Variants in NPEPPS observed in about 807,000 individuals in gnomAD.
The protein encoded by NPEPPS is aminopeptidase puromycin sensitive.
In NPEPPS, 14 loss-of-function variants were observed where a neutral mutation model predicts 115.5. The observed-to-expected ratio is 0.12, with a 90% CI of 0.08 to 0.19. The LOEUF (loss-of-function observed/expected upper bound fraction) is 0.19. Ranked by LOEUF, NPEPPS falls within the 10% of genes least tolerant of loss-of-function variation. The pLI is 1.00. For missense variants in NPEPPS, 523 were observed against 1,110.8 expected, an observed-to-expected ratio of 0.47 and a Z score of 7.52; for synonymous variants, 285 against 390.6, an observed-to-expected ratio of 0.73 and a Z score of 3.19.
At chr17:47,619,351 C>T (rs771380763) in intron 21 of NPEPPS, 187 bp downstream of exon 21, 15 of 619,960 alleles carry the variant, frequency 2.4e-5, no homozygotes, top group African/African-American at 7.3e-5. Flanking sequence ...GTCGGGAGTT[C>T]GAGACTATCC....
intron 12 of NPEPPS, among the ~76,000 whole-genome samples, chr17:47,593,721 A>G (rs1302860475): frequency 7.9e-5 from 12 of 152,256 alleles, no homozygotes; most frequent in Admixed American, 7.9e-4. Flanking sequence ...CCTAGCCTAC[A>G]TGGTATATAC....
chr17:47,555,023 G>A (rs1263111176), intron 2 of NPEPPS, among the ~76,000 whole-genome samples: 1 of 152,170 alleles, frequency 6.6e-6, no homozygotes, highest in Non-Finnish European at 1.5e-5. Flanking sequence ...GTTGACTCTA[G>A]GCAGTTGAAA....
chr17:47,564,523 A>G (rs1422372418), intron 2 of NPEPPS, among the ~76,000 whole-genome samples: 2 of 152,056 alleles, frequency 1.3e-5, no homozygotes, highest in East Asian at 1.9e-4. Flanking sequence ...GTATTGATAC[A>G]TGATATATAG....
intron 17 of NPEPPS, among the ~76,000 whole-genome samples, chr17:47,607,701 T>A (rs1913597333): frequency 6.6e-6 from 1 of 152,172 alleles, no homozygotes; most frequent in Non-Finnish European, 1.5e-5. Flanking sequence ...GTAAAGTCTG[T>A]GTATATTTTG....
chr17:47,584,371 T>G (rs1912063513), intron 5 of NPEPPS, among the ~76,000 whole-genome samples: 1 of 152,216 alleles, frequency 6.6e-6, no homozygotes, highest in Admixed American at 6.5e-5. Flanking sequence ...TCTTCACCAG[T>G]GTTATTGATC....
chr17:47,583,586 G>GAA (rs1228056697), intron 5 of NPEPPS, among the ~76,000 whole-genome samples: 1 of 131,224 alleles, frequency 7.6e-6, no homozygotes, highest in African/African-American at 2.8e-5. Flanking sequence ...CCCTATCTCA[G>GAA]AAAAAAAAAA....
At chr17:47,579,716 A>C in intron 4 of NPEPPS, 1 of 439,684 alleles carries the variant, frequency 2.3e-6, no homozygotes, top group Non-Finnish European at 4.1e-6. Flanking sequence ...ATGATTATAT[A>C]CAGTTATACA....
At position 47,585,557 on chromosome 17, in the gene NPEPPS, G is replaced by A; in HGVS notation, c.706G>A (p.Ala236Thr). The change falls in exon 6 of 23, where the codon GCC becomes ACC. Residue 236 changes from alanine (A) to threonine (T), a missense_variant. By Grantham distance (58) the Ala-to-Thr change is moderately conservative. Coordinates refer to ENST00000322157, the MANE Select transcript of NPEPPS (RefSeq NM_006310.4). ...DDENLVEVKFARTPVMSTYLV... is the reference protein window; with the variant it reads ...DDENLVEVKFTRTPVMSTYLV... Reference sequence around the variant, plus strand: ...TGAAAATTTAGTGGAAGTGAAGTTTGCCCGCACACCTGTTATGTCTACATA... The same window carrying A: ...TGAAAATTTAGTGGAAGTGAAGTTTACCCGCACACCTGTTATGTCTACATA... The A allele has an allele frequency of 6.2e-7, 1 of 1,613,804 alleles. No homozygotes were observed. Among genetic ancestry groups the A allele is most frequent in the Non-Finnish European group, 8.5e-7 (1 of 1,179,744 alleles).
intron 1 of NPEPPS, among the ~76,000 whole-genome samples, chr17:47,545,207 A>G (rs1352857294): frequency 1.3e-5 from 2 of 152,036 alleles, no homozygotes; most frequent in African/African-American, 2.4e-5. Flanking sequence ...GTGTTGCCCA[A>G]GCTGGTCTTG....
At chr17:47,608,491 CAT>C (rs1913651979) in intron 17 of NPEPPS, among the ~76,000 whole-genome samples, 1 of 148,650 alleles carries the variant, frequency 6.7e-6, no homozygotes, top group South Asian at 2.1e-4. Flanking sequence ...GGGTGGGAAT[CAT>C]ATCACGCATG....
At chr17:47,536,386 C>CTTT (rs1204179908) in intron 1 of NPEPPS, among the ~76,000 whole-genome samples, 7 of 126,608 alleles carry the variant, frequency 5.5e-5, no homozygotes, top group Admixed American at 8.7e-5. Flanking sequence ...CATATTTTCT[C>CTTT]TCTTTTTTTT....
At chr17:47,576,231 G>T (rs1911513699) in intron 3 of NPEPPS, among the ~76,000 whole-genome samples, 1 of 152,168 alleles carries the variant, frequency 6.6e-6, no homozygotes, top group African/African-American at 2.4e-5. Context: ...GGTCCTAAGG[G>T]TGGCATTTAT....
intron 5 of NPEPPS, among the ~76,000 whole-genome samples, chr17:47,585,009 A>G (rs1209558908): frequency 1.3e-5 from 2 of 151,896 alleles, no homozygotes; most frequent in African/African-American, 4.8e-5. Context: ...TTGTATTTTT[A>G]GTAGAGATGG....
At chr17:47,621,216 AATT>A (rs1178052044) in intron 22 of NPEPPS, among the ~76,000 whole-genome samples, 4 of 151,864 alleles carry the variant, frequency 2.6e-5, no homozygotes, top group African/African-American at 9.7e-5. Context: ...TGGGGTGTTA[AATT>A]ATTAGGGCAT....
upstream of NPEPPS, among the ~76,000 whole-genome samples, chr17:47,528,339 C>A (rs930656300): frequency 5.3e-5 from 8 of 152,110 alleles, no homozygotes; most frequent in Admixed American, 5.2e-4. Flanking sequence ...ATTATTATTT[C>A]TCTGACCAGT....
At chr17:47,593,132 ACAT>A (rs1912619366) in intron 12 of NPEPPS, among the ~76,000 whole-genome samples, 1 of 152,194 alleles carries the variant, frequency 6.6e-6, no homozygotes, top group Admixed American at 6.5e-5. Context: ...GAAATTCAAA[ACAT>A]TTCTGGTCCC....
rs1048315934 is a variant in NPEPPS, at chr17:47,603,903, A to T, written c.1741-12A>T. 2 of 1,597,634 alleles carry T rather than the reference A, an allele frequency of 1.3e-6. No homozygotes were observed. Among genetic ancestry groups the T allele is most frequent in the African/African-American group, 2.7e-5 (2 of 74,700 alleles). On this transcript the variant is annotated splice_polypyrimidine_tract_variant and intron_variant, in intron 15 of 22. Transcript: ENST00000322157. Reference sequence around the variant, plus strand: ...GGAGCTGTTTAATAGTACTTACTGGATATCTTTGCAGTTAAACTTAGGAAC... The same window carrying T: ...GGAGCTGTTTAATAGTACTTACTGGTTATCTTTGCAGTTAAACTTAGGAAC...
rs1467175149 is a variant in NPEPPS, at chr17:47,564,321, C to G, written c.341-5096C>G. 4.6e-4 allele frequency among the ~76,000 whole-genome samples: 70 copies of G among 152,064 alleles called. 1 individual carries two copies. The highest frequency in any genetic ancestry group is 1.6e-3 in the African/African-American group (65 of 41,404). On this transcript the variant is annotated intron_variant, in intron 2 of 22. Coordinates refer to ENST00000322157, the MANE Select transcript of NPEPPS (RefSeq NM_006310.4). ...GGTGGGAGGATTGCCAGTGCTTGAGCCCAGGAGTTTGAGACCAGCCTGGAC... is the reference window on the plus strand; with the variant it reads ...GGTGGGAGGATTGCCAGTGCTTGAGGCCAGGAGTTTGAGACCAGCCTGGAC...
intron 2 of NPEPPS, among the ~76,000 whole-genome samples, chr17:47,567,392 A>G (rs1023751614): frequency 1.3e-5 from 2 of 152,212 alleles, no homozygotes; most frequent in African/African-American, 4.8e-5. Context: ...CATAAAAGAA[A>G]GGAAGAATTA....
Sources: allele counts gnomAD v4.1 joint callset (sites outside exome capture counted in the v4.1 genomes callset), GRCh38; gene constraint gnomAD v4.1.1; transcripts MANE v1.5; gene names NCBI Gene and HGNC (gene_info 2026-07-23, HGNC 2026-07-21).